ANKRD36C: variants seen among roughly 807,000 people sequenced by gnomAD.
ANKRD36C encodes ankyrin repeat domain 36C, also known as ankyrin repeat domain-containing protein 36C.
ANKRD36C carries 61 observed loss-of-function variants against 276.4 expected under a neutral mutation model. The observed-to-expected ratio is 0.22, with a 90% CI of 0.18 to 0.27. The LOEUF is 0.27. Among genes scored for constraint, ANKRD36C ranks in the 10% least tolerant of loss-of-function variants. The probability of loss-of-function intolerance (pLI) is 1.00; values close to 1 mark genes in which losing one functional copy is unlikely to be tolerated. For missense variants in ANKRD36C, 1,447 were observed against 2,032.3 expected, an observed-to-expected ratio of 0.71 and a Z score of 5.54; for synonymous variants, 483 against 680.1, an observed-to-expected ratio of 0.71 and a Z score of 4.51.
At chr2:95,990,994 GT>G (rs1363613729) in intron 1 of ANKRD36C, among the ~76,000 whole-genome samples, 6 of 152,052 alleles carry the variant, frequency 3.9e-5, no homozygotes, top group Non-Finnish European at 8.8e-5. Flanking sequence ...CTGAAGTTTT[GT>G]TTTTGTTTTG....
rs1010075102 is a variant in ANKRD36C, at chr2:95,956,881, T to C, written c.1106-65A>G. 4.9e-6 allele frequency: 7 copies of C among 1,420,648 alleles called. No individual in the cohort carries two copies. The Admixed American group carries it at 1.5e-4, about 30-fold the overall frequency. The allele number at this position is 1,420,648 out of a possible 1,614,324, so 88.0% of individuals were successfully genotyped here. Reference sequence around the variant, plus strand: ...AGGAACCTATAAAATATTAAAAACATAAAAGAGCACAGTGACTTGTTCCTA... The same window carrying C: ...AGGAACCTATAAAATATTAAAAACACAAAAGAGCACAGTGACTTGTTCCTA... On this transcript the variant is annotated intron_variant, in intron 12 of 66. Coordinates refer to ENST00000456556, the Ensembl canonical transcript of ANKRD36C.
intron 12 of ANKRD36C, among the ~76,000 whole-genome samples, chr2:95,957,641 G>A (rs1448701678): frequency 7.2e-5 from 11 of 152,076 alleles, no homozygotes; most frequent in African/African-American, 2.7e-4. Context: ...ACAAAATAAA[G>A]TTGCTACAAG....
intron 44 of ANKRD36C, among the ~76,000 whole-genome samples, chr2:95,892,328 T>C (rs1201979751): frequency 1.3e-5 from 2 of 151,576 alleles, no homozygotes; most frequent in East Asian, 2.0e-4. Flanking sequence ...ACAATTACGA[T>C]AACAATTCAA....
intron 42 of ANKRD36C, among the ~76,000 whole-genome samples, chr2:95,911,558 C>T (rs1314660099): frequency 6.6e-6 from 1 of 151,458 alleles, no homozygotes; most frequent in African/African-American, 2.4e-5. Flanking sequence ...ATCAACAAAA[C>T]ATGTATCTCT....
chr2:95,856,529 A>G (rs370523322), intron 62 of ANKRD36C, among the ~76,000 whole-genome samples: 1 of 152,162 alleles, frequency 6.6e-6, no homozygotes, highest in South Asian at 2.1e-4. Flanking sequence ...TTTACACTCT[A>G]ACATCTAAAC....
chr2:95,857,799 T>C (rs1675453722), intron 61 of ANKRD36C, among the ~76,000 whole-genome samples: 1 of 147,060 alleles, frequency 6.8e-6, no homozygotes, highest in African/African-American at 2.4e-5. Context: ...CTTTCCCCTT[T>C]GTTTTCCTTC....
At chr2:95,966,645 G>C (rs1365818163) in intron 6 of ANKRD36C, among the ~76,000 whole-genome samples, 1 of 151,962 alleles carries the variant, frequency 6.6e-6, no homozygotes, top group African/African-American at 2.4e-5. Flanking sequence ...TGGCTATATG[G>C]GCTCTTTTTT....
rs554022633 is a variant in ANKRD36C at position 95,883,016 on chromosome 2, G to A, written c.3266-519C>T. Among the ~76,000 whole-genome samples the A allele has an allele frequency of 8.5e-5, 13 of 152,168 alleles. No individual in the cohort carries two copies. The South Asian group carries it at 1.0e-3, about 12-fold the overall frequency. ...TTCACAAGTCCTCAGTGGAAGTGTC[G>A]CAGCTTCATCAGCTTGGATATAGGT... On this transcript the variant is annotated intron_variant, in intron 54 of 66. Coordinates refer to ENST00000456556, the Ensembl canonical transcript of ANKRD36C.
At chr2:95,928,567 T>C (rs1021128251) in intron 26 of ANKRD36C, among the ~76,000 whole-genome samples, 1 of 151,480 alleles carries the variant, frequency 6.6e-6, no homozygotes, top group South Asian at 2.1e-4. Flanking sequence ...AACTCCAAAA[T>C]TACATAAATA....
chr2:95,938,197 A>T (rs72933827), intron 22 of ANKRD36C, among the ~76,000 whole-genome samples: 29 of 144,072 alleles, frequency 2.0e-4, no homozygotes, highest in Non-Finnish European at 4.0e-4. Flanking sequence ...AGTAAAAAAC[A>T]TTAATTCAGG....
chr2:95,945,115 C>A (rs369793507), exon 18 of ANKRD36C: 1 of 1,537,236 alleles, frequency 6.5e-7, no homozygotes, highest in Non-Finnish European at 8.7e-7. Context: ...ATAGCTTACA[C>A]TTTTCTGCAG....
intron 59 of ANKRD36C, among the ~76,000 whole-genome samples, chr2:95,870,157 G>A (rs1675773102): frequency 6.6e-6 from 1 of 152,210 alleles, no homozygotes; most frequent in African/African-American, 2.4e-5. Flanking sequence ...TTTGAAGACA[G>A]CAGTGGTTCT....
Position 95,879,479 on chromosome 2 carries a change from C to T in ANKRD36C, c.3469+948G>A, listed in dbSNP as rs370915598. Among the ~76,000 whole-genome samples the T allele has an allele frequency of 9.0e-3, 1,294 of 143,468 alleles. 38 individuals are homozygous for T. The highest frequency in any genetic ancestry group is 0.013 in the Non-Finnish European group (817 of 63,048). The allele number at this position is 143,468 out of a possible 152,430, so 94.1% of individuals were successfully genotyped here. The stretch of plus-strand genomic sequence containing the variant: ...AAAGACAGCACAAAGAAATGGTTAA[C>T]GCTTGAGGTGATGGATAACCCATTA... On this transcript the variant is annotated intron_variant, in intron 58 of 66. Transcript: ENST00000456556.
At chr2:95,874,524 T>C (rs1267806488) in intron 59 of ANKRD36C, among the ~76,000 whole-genome samples, 58 of 152,278 alleles carry the variant, frequency 3.8e-4, no homozygotes, top group African/African-American at 1.2e-3. Context: ...ATACAAAAAT[T>C]AATTCAAGAT....
exon 54 of ANKRD36C, chr2:95,884,216 C>T (rs1178379716): frequency 4.3e-6 from 7 of 1,609,408 alleles, no homozygotes; most frequent in Admixed American, 3.4e-5. Flanking sequence ...TGGCTATATT[C>T]GAAACAGAAT....
intron 4 of ANKRD36C, among the ~76,000 whole-genome samples, chr2:95,981,465 G>A (rs975130043): frequency 1.4e-5 from 2 of 144,666 alleles, no homozygotes; most frequent in African/African-American, 5.0e-5. Context: ...AATATATATT[G>A]TATATATTAT....
At chr2:95,941,935 T>C (rs1375661055) in intron 19 of ANKRD36C, among the ~76,000 whole-genome samples, 1 of 152,302 alleles carries the variant, frequency 6.6e-6, no homozygotes, top group East Asian at 1.9e-4. Flanking sequence ...AGTCACTGGA[T>C]TGGCAATGTG....
exon 40 of ANKRD36C, chr2:95,914,115 A>G: frequency 6.4e-7 from 1 of 1,567,918 alleles, no homozygotes; most frequent in Non-Finnish European, 8.7e-7. Flanking sequence ...TACCTCTCCT[A>G]GTTTTTTCTC....
chr2:95,955,927 C>A (rs1173688245), intron 13 of ANKRD36C, among the ~76,000 whole-genome samples: 1 of 151,964 alleles, frequency 6.6e-6, no homozygotes, highest in Non-Finnish European at 1.5e-5. Flanking sequence ...AGCTGCCATA[C>A]ATGAAAACTA....
Sources: gnomAD v4.1 joint callset for allele counts (sites outside exome capture counted in the v4.1 genomes callset) on GRCh38, gnomAD v4.1.1 for gene constraint, MANE v1.5 for transcripts, NCBI Gene and HGNC (gene_info 2026-07-23, HGNC 2026-07-21) for gene names.